The following TENM2 variants were observed in gnomAD, a reference collection of about 807,000 sequenced individuals.
TENM2 encodes teneurin-2.
Under a neutral mutation model 245.2 loss-of-function variants are expected in TENM2, and 52 were observed. The ratio of observed to expected loss-of-function variants is 0.21; its 90% CI spans 0.17 to 0.27. The LOEUF (loss-of-function observed/expected upper bound fraction) is 0.27. Among genes scored for constraint, TENM2 ranks in the 10% least tolerant of loss-of-function variants. The pLI, the probability that TENM2 is intolerant of heterozygous loss-of-function variation, is 1.00. For synonymous variants in TENM2, 1,363 were observed against 1,438.9 expected (o/e 0.95, Z 1.19); for missense variants, 3,046 against 3,666.8 (o/e 0.83, Z 4.37).
At chr5:168,023,039 G>A (rs1417264290) in intron 5 of TENM2, among the ~76,000 whole-genome samples, 1 of 152,200 alleles carries the variant, frequency 6.6e-6, no homozygotes, top group Non-Finnish European at 1.5e-5. Context: ...AGCTCGGGCA[G>A]GAGGGACTTG....
At chr5:168,087,809 T>A (rs952395016) in intron 7 of TENM2, among the ~76,000 whole-genome samples, 1 of 152,038 alleles carries the variant, frequency 6.6e-6, no homozygotes, top group Non-Finnish European at 1.5e-5. Context: ...GGGTAATAAG[T>A]GCTTTGAAGA....
At chr5:168,248,513 A>G in intron 27 of TENM2, 142 bp downstream of exon 29, 1 of 823,876 alleles carries the variant, frequency 1.2e-6, no homozygotes, top group Non-Finnish European at 1.9e-6. Context: ...TGGCAGCACT[A>G]CAGAGTCTAG....
At chr5:167,866,143 A>C (rs1392320093) in intron 2 of TENM2, among the ~76,000 whole-genome samples, 1 of 152,202 alleles carries the variant, frequency 6.6e-6, no homozygotes, top group African/African-American at 2.4e-5. Flanking sequence ...GTGATCAGAA[A>C]AGACTTCTAA....
intron 2 of TENM2, among the ~76,000 whole-genome samples, chr5:167,798,094 G>C (rs1363081728): frequency 6.6e-6 from 1 of 152,142 alleles, no homozygotes; most frequent in African/African-American, 2.4e-5. Flanking sequence ...CCTCTTTACC[G>C]ATGAAAGAAT....
chr5:167,542,831 T>A (rs1772302309), intron 2 of TENM2, among the ~76,000 whole-genome samples: 1 of 152,156 alleles, frequency 6.6e-6, no homozygotes, highest in Non-Finnish European at 1.5e-5. Flanking sequence ...ATGGCCTGAA[T>A]AACTGGACGT....
chr5:167,725,424 C>T (rs548280166), intron 2 of TENM2, among the ~76,000 whole-genome samples: 73 of 152,302 alleles, frequency 4.8e-4, no homozygotes, highest in Non-Finnish European at 9.7e-4. Flanking sequence ...CTATTTTCAT[C>T]AATCTGGCAT....
At chr5:167,122,182 A>G in the TENM2 span, among the ~76,000 whole-genome samples, 1 of 152,158 alleles carries the variant, frequency 6.6e-6, no homozygotes, top group Non-Finnish European at 1.5e-5. Context: ...GCATCCCTAG[A>G]ACCTTTGATT....
At chr5:168,007,940 C>T (rs895226885) in intron 5 of TENM2, among the ~76,000 whole-genome samples, 1 of 151,936 alleles carries the variant, frequency 6.6e-6, no homozygotes, top group African/African-American at 2.4e-5. Flanking sequence ...AGCGATGATA[C>T]CTTTTTCATA....
intron 2 of TENM2, among the ~76,000 whole-genome samples, chr5:167,552,045 A>C (rs1414172602): frequency 6.6e-6 from 1 of 152,226 alleles, no homozygotes; most frequent in Non-Finnish European, 1.5e-5. Flanking sequence ...GAAAAAGCAT[A>C]ATACCTGCAA....
chr5:167,283,078 CTTG>C (rs1771145520), upstream of TENM2, among the ~76,000 whole-genome samples: 2 of 151,846 alleles, frequency 1.3e-5, no homozygotes, highest in Non-Finnish European at 1.5e-5. Context: ...GAGTTTCACA[CTTG>C]TTGTCCAGGC....
intron 12 of TENM2, among the ~76,000 whole-genome samples, chr5:168,161,645 G>A (rs945558538): frequency 2.6e-5 from 4 of 152,134 alleles, no homozygotes; most frequent in Non-Finnish European, 4.4e-5. Flanking sequence ...GGCTCTGCTA[G>A]TGAGACCTTT....
the TENM2 span, among the ~76,000 whole-genome samples, chr5:167,009,461 T>C: frequency 2.2e-4 from 33 of 152,232 alleles, 2 homozygotes; most frequent in African/African-American, 6.8e-4. Context: ...TTTTGTGAAA[T>C]ACACCTTTTC....
chr5:167,918,796 C>T (rs1356516919), intron 3 of TENM2, among the ~76,000 whole-genome samples: 6 of 148,588 alleles, frequency 4.0e-5, no homozygotes, highest in Admixed American at 2.7e-4. Context: ...TTTTTGTAGC[C>T]TGTAGGCACT....
At chr5:168,190,117 T>C (rs941938727) in intron 13 of TENM2, among the ~76,000 whole-genome samples, 9 of 152,244 alleles carry the variant, frequency 5.9e-5, no homozygotes, top group Admixed American at 6.5e-5. Context: ...TACATGAGGA[T>C]AACCATTTGT....
intron 2 of TENM2, among the ~76,000 whole-genome samples, chr5:167,621,665 T>G (rs1188655650): frequency 2.6e-5 from 4 of 152,164 alleles, no homozygotes; most frequent in Non-Finnish European, 5.9e-5. Flanking sequence ...AGGAAGACAC[T>G]ACCTCATTCA....
At chr5:168,220,280 G>T (rs1319578231) in intron 23 of TENM2, among the ~76,000 whole-genome samples, 1 of 152,104 alleles carries the variant, frequency 6.6e-6, no homozygotes, top group Non-Finnish European at 1.5e-5. Flanking sequence ...GAAACAATTT[G>T]TTGGCTCTCC....
At chr5:167,392,043 T>C (rs1260607099) in intron 2 of TENM2, among the ~76,000 whole-genome samples, 2 of 152,134 alleles carry the variant, frequency 1.3e-5, no homozygotes, top group South Asian at 2.1e-4. Flanking sequence ...GTGATTTTTC[T>C]TTAGGGTTCC....
At chr5:167,464,595 T>C (rs963505128) in intron 2 of TENM2, among the ~76,000 whole-genome samples, 1 of 152,182 alleles carries the variant, frequency 6.6e-6, no homozygotes, top group Non-Finnish European at 1.5e-5. Context: ...CTTATAGAAG[T>C]CTTTGAATTT....
chr5:167,997,872 T>C (rs1257323036), intron 5 of TENM2, among the ~76,000 whole-genome samples: 1 of 152,136 alleles, frequency 6.6e-6, no homozygotes, highest in Non-Finnish European at 1.5e-5. Flanking sequence ...TGTCCACATC[T>C]CTATTACAAA....
Sources: gnomAD v4.1 joint callset for allele counts (sites outside exome capture counted in the v4.1 genomes callset) on GRCh38, gnomAD v4.1.1 for gene constraint, MANE v1.5 for transcripts, NCBI Gene and HGNC (gene_info 2026-07-23, HGNC 2026-07-21) for gene names.